ITSN1: variants seen among roughly 807,000 people sequenced by gnomAD.
ITSN1 encodes the protein intersectin-1.
A neutral mutation model predicts 239.8 loss-of-function variants in ITSN1; 58 were observed. That is an observed-to-expected ratio of 0.24 (90% CI 0.20 to 0.30). The LOEUF (loss-of-function observed/expected upper bound fraction) is 0.30, where lower values mean the gene tolerates loss of function less well. ITSN1 is among the 10% of genes least tolerant of loss of function. The pLI, the probability that ITSN1 is intolerant of heterozygous loss-of-function variation, is 1.00. For synonymous variants in ITSN1, 780 were observed against 770.8 expected, an observed-to-expected ratio of 1.01 and a Z score of -0.20; for missense variants, 1,558 against 2,103.3, an observed-to-expected ratio of 0.74 and a Z score of 5.07.
At chr21:33,707,267 T>C (rs1292184226) in intron 1 of ITSN1, among the ~76,000 whole-genome samples, 1 of 152,162 alleles carries the variant, frequency 6.6e-6, no homozygotes, top group African/African-American at 2.4e-5. Flanking sequence ...TAAATGCATA[T>C]ACTTATTTTT....
chr21:33,856,801 C>T lies in ITSN1; in HGVS notation c.3727C>T (p.His1243Tyr). 6.2e-7 allele frequency: 1 copy of T among 1,614,124 alleles called. No homozygotes were observed. The change falls in exon 30 of 40, where the codon CAC (histidine) becomes TAC (tyrosine). Residue 1243 changes from histidine to tyrosine, a missense_variant. Physicochemically the swap from His to Tyr is moderately conservative, Grantham distance 83 (BLOSUM62 2). This residue lies in a region of ITSN1 where 576 missense variants were observed against 893.3 expected (regional missense o/e 0.64). Coordinates refer to ENST00000381318, the MANE Select transcript of ITSN1 (RefSeq NM_003024.3). The stretch of plus-strand genomic sequence containing the variant: ...TGAAAGAAAGCGACAAGGATACATC[C>T]ACGAGCTCATTGTCACCGAGGAGAA... Reference protein sequence around the residue: ...PTERKRQGYIHELIVTEENYV... With the variant: ...PTERKRQGYIYELIVTEENYV...
At chr21:33,756,561 CTT>C (rs2067934514) in intron 8 of ITSN1, among the ~76,000 whole-genome samples, 1 of 152,088 alleles carries the variant, frequency 6.6e-6, no homozygotes, top group Admixed American at 6.6e-5. Context: ...AAAAAGGTAT[CTT>C]ATGTTTAAAA....
intron 2 of ITSN1, 53 bp from the exon 3 acceptor site, chr21:33,721,125 T>C: frequency 8.3e-7 from 1 of 1,203,346 alleles, no homozygotes; most frequent in South Asian, 1.2e-5. Context: ...GTGAGAGCAT[T>C]TTGTTTTCCT....
chr21:33,743,133 A>G (rs1017354920), intron 5 of ITSN1, among the ~76,000 whole-genome samples: 1 of 152,190 alleles, frequency 6.6e-6, no homozygotes, highest in African/African-American at 2.4e-5. Flanking sequence ...TACTAACTGA[A>G]GAAAAATAGA....
At chr21:33,731,670 A>G (rs923673424) in intron 4 of ITSN1, among the ~76,000 whole-genome samples, 13 of 152,346 alleles carry the variant, frequency 8.5e-5, no homozygotes, top group African/African-American at 1.9e-4. Flanking sequence ...TTCTATCAAC[A>G]TTAGTCATTA....
chr21:33,866,082 G>A (rs770720900), intron 32 of ITSN1, among the ~76,000 whole-genome samples: 2 of 152,180 alleles, frequency 1.3e-5, no homozygotes, highest in South Asian at 2.1e-4. Flanking sequence ...ATAATAACAG[G>A]CATATCTTTG....
Position 33,679,900 on chromosome 21 carries a change from G to A in ITSN1, c.-33+37187G>A, listed in dbSNP as rs528901927. 3.6e-3 allele frequency among the ~76,000 whole-genome samples: 545 copies of A among 151,958 alleles called. 2 individuals carry two copies. The highest frequency in any genetic ancestry group is 0.012 in the African/African-American group (514 of 41,482). ...TTTTTAGTAGAGACGAGGTTTCACC[G>A]TGTTAGCCAGGATGGTCTTGATCTC... On this transcript the variant is annotated intron_variant, in intron 1 of 39. Transcript: ENST00000381318.
chr21:33,800,052 G>A (rs1184530825), intron 19 of ITSN1, 123 bp downstream of exon 19: 3 of 930,058 alleles, frequency 3.2e-6, no homozygotes, highest in Non-Finnish European at 3.0e-6. Context: ...CCAGCATCTA[G>A]ATTTTTAAAG....
At chr21:33,777,097 G>A (rs1421744653) in intron 14 of ITSN1, among the ~76,000 whole-genome samples, 1 of 151,990 alleles carries the variant, frequency 6.6e-6, no homozygotes, top group Non-Finnish European at 1.5e-5. Flanking sequence ...AAGTTTCATA[G>A]TTGTATCTTA....
At chr21:33,857,371 C>G (rs1109849) in intron 30 of ITSN1, among the ~76,000 whole-genome samples, 34,710 of 152,210 alleles carry the variant, frequency 0.23, 4,492 homozygotes, top group East Asian at 0.4. Context: ...CTGAGTGATG[C>G]CTCCTCATCT....
chr21:33,842,548 A>G (rs879882846), intron 29 of ITSN1, among the ~76,000 whole-genome samples: 10 of 150,976 alleles, frequency 6.6e-5, no homozygotes, highest in Non-Finnish European at 8.8e-5. Flanking sequence ...GTGAGCAGCA[A>G]CTTTCAGGTG....
intron 1 of ITSN1, among the ~76,000 whole-genome samples, chr21:33,698,597 A>C (rs1183765712): frequency 6.6e-6 from 1 of 152,234 alleles, no homozygotes; most frequent in African/African-American, 2.4e-5. Context: ...TAGAAGCCAC[A>C]TTTGAGGCTC....
At chr21:33,739,153 T>C (rs1264650880) in intron 5 of ITSN1, among the ~76,000 whole-genome samples, 3 of 152,198 alleles carry the variant, frequency 2.0e-5, no homozygotes, top group Admixed American at 6.5e-5. Flanking sequence ...GACTGGAGTC[T>C]GAACAATGAT....
intron 21 of ITSN1, among the ~76,000 whole-genome samples, chr21:33,813,007 T>C (rs2073016692): frequency 6.6e-6 from 1 of 152,032 alleles, no homozygotes; most frequent in African/African-American, 2.4e-5. Context: ...ATTTAACTAT[T>C]GTTATTACAA....
At chr21:33,686,694 C>T (rs2091258021) in intron 1 of ITSN1, among the ~76,000 whole-genome samples, 1 of 152,168 alleles carries the variant, frequency 6.6e-6, no homozygotes, top group South Asian at 2.1e-4. Flanking sequence ...TTATATATCA[C>T]ATTTCAAGAT....
chr21:33,769,712 G>A (rs1169679865), intron 11 of ITSN1, among the ~76,000 whole-genome samples: 1 of 124,440 alleles, frequency 8.0e-6, no homozygotes, highest in Non-Finnish European at 1.6e-5. Context: ...TTTTTTTTTT[G>A]AGACGGTTGT....
At chr21:33,789,467 T>C (rs2070934613) in intron 16 of ITSN1, among the ~76,000 whole-genome samples, 1 of 152,192 alleles carries the variant, frequency 6.6e-6, no homozygotes, top group South Asian at 2.1e-4. Flanking sequence ...TTTTTGTCTC[T>C]CATTTCCAAG....
intron 1 of ITSN1, among the ~76,000 whole-genome samples, chr21:33,653,916 A>G (rs928984535): frequency 6.6e-6 from 1 of 151,968 alleles, no homozygotes; most frequent in African/African-American, 2.4e-5. Context: ...GCAGCCTCCC[A>G]AAGTGCTGAG....
At chr21:33,723,472 G>A (rs2147117321) in intron 4 of ITSN1, among the ~76,000 whole-genome samples, 1 of 152,304 alleles carries the variant, frequency 6.6e-6, no homozygotes, top group Admixed American at 6.5e-5. Flanking sequence ...AAATTAGCCA[G>A]GTGTGGTGGC....
Sources: gnomAD v4.1 joint callset for allele counts (sites outside exome capture counted in the v4.1 genomes callset) on GRCh38, gnomAD v4.1.1 for gene constraint, gnomAD v4.1.1 regional missense constraint, MANE v1.5 for transcripts, NCBI Gene and HGNC (gene_info 2026-07-23, HGNC 2026-07-21) for gene names.